Variants in HUNK observed in about 807,000 individuals in gnomAD.
The protein encoded by HUNK is hormonally up-regulated Neu-associated kinase, also known as hormonally up-regulated neu tumor-associated kinase.
Under a neutral mutation model 61.0 loss-of-function variants are expected in HUNK, and 21 were observed. The observed-to-expected ratio is 0.34, with a 90% confidence interval of 0.24 to 0.50. The LOEUF is 0.50. Among genes scored for constraint, HUNK ranks in the 20% least tolerant of loss-of-function variants. The probability of loss-of-function intolerance (pLI) is 0.98; values close to 1 mark genes in which losing one functional copy is unlikely to be tolerated. For synonymous variants in HUNK, 371 were observed against 386.1 expected (o/e 0.96, Z 0.46); for missense variants, 772 against 945.7 (o/e 0.82, Z 2.41).
At chr21:31,980,304 C>T (rs2186268) in intron 7 of HUNK, among the ~76,000 whole-genome samples, 41,655 of 151,240 alleles carry the variant, frequency 0.28, 5,897 homozygotes, top group African/African-American at 0.32. Context: ...ACTCCTGACC[C>T]TGTGGTCTGC....
At chr21:31,917,053 TG>T (rs2052588128) in intron 1 of HUNK, among the ~76,000 whole-genome samples, 2 of 152,076 alleles carry the variant, frequency 1.3e-5, no homozygotes, top group Non-Finnish European at 2.9e-5. Context: ...TTTTTGGCCT[TG>T]GGGGATTTCC....
chr21:31,964,375 C>A (rs891655199), intron 5 of HUNK, among the ~76,000 whole-genome samples: 1 of 152,206 alleles, frequency 6.6e-6, no homozygotes, highest in African/African-American at 2.4e-5. Context: ...TGATGACAGA[C>A]CTGCAGCCCT....
At chr21:31,875,038 G>T (rs1434134618) in intron 1 of HUNK, among the ~76,000 whole-genome samples, 1 of 152,180 alleles carries the variant, frequency 6.6e-6, no homozygotes, top group African/African-American at 2.4e-5. Flanking sequence ...CCCAGGCTGG[G>T]GGTGGCTCAA....
intron 1 of HUNK, among the ~76,000 whole-genome samples, chr21:31,908,706 C>A (rs1257113747): frequency 6.6e-6 from 1 of 152,050 alleles, no homozygotes. Flanking sequence ...TTTTTGGATC[C>A]CGTGGATCTG....
intron 8 of HUNK, among the ~76,000 whole-genome samples, chr21:31,987,041 G>A (rs1340455363): frequency 6.6e-6 from 1 of 152,192 alleles, no homozygotes; most frequent in African/African-American, 2.4e-5. Flanking sequence ...TGCCTGGCAT[G>A]TAGGTGCTCA....
At chr21:31,982,302 C>T (rs925245923) in intron 7 of HUNK, among the ~76,000 whole-genome samples, 24 of 152,202 alleles carry the variant, frequency 1.6e-4, no homozygotes, top group African/African-American at 5.1e-4. Context: ...AGAATCCATA[C>T]TCTAGGCGAG....
rs1372196958 is a variant in HUNK, at chr21:31,873,610, G to A, written c.-65G>A. 1.0e-6 allele frequency: 1 copy of A among 987,654 alleles called. No homozygotes were observed. Among genetic ancestry groups the A allele is most frequent in the Non-Finnish European group, 1.2e-6 (1 of 830,948 alleles). The allele number at this position is 987,654 out of a possible 1,614,324, so 61.2% of individuals were successfully genotyped here. A position where few individuals can be genotyped will look rare whatever the true frequency, so the allele number is the denominator to read the frequency against. On this transcript the variant is annotated 5_prime_UTR_variant, in exon 1 of 11. Coordinates refer to ENST00000270112, the MANE Select transcript of HUNK (RefSeq NM_014586.2). This position sits in a 1 kb window ranked among gnomAD's most constrained non-coding sequence, Gnocchi z 6.1. The stretch of plus-strand genomic sequence containing the variant: ...CGGGAGAAGCCGGGGAAGCCGAAGA[G>A]CCTGGGGAGGAGGAGCTGCGAGCGC...
At chr21:31,920,393 T>A (rs912194678) in intron 1 of HUNK, among the ~76,000 whole-genome samples, 4 of 152,228 alleles carry the variant, frequency 2.6e-5, no homozygotes, top group Non-Finnish European at 4.4e-5. Flanking sequence ...TAACTATAAT[T>A]GTGTACTCTG....
At chr21:31,959,607 T>C (rs1475138562) in intron 5 of HUNK, among the ~76,000 whole-genome samples, 2 of 152,246 alleles carry the variant, frequency 1.3e-5, no homozygotes. Context: ...TTCTTTTGTT[T>C]GGTTCACAAT....
At chr21:31,955,987 A>G (rs182797935) in intron 4 of HUNK, among the ~76,000 whole-genome samples, 25 of 152,344 alleles carry the variant, frequency 1.6e-4, no homozygotes, top group African/African-American at 3.4e-4. Flanking sequence ...GGTCTTTGCT[A>G]TGTAGCATGG....
intron 7 of HUNK, among the ~76,000 whole-genome samples, chr21:31,978,573 G>A (rs1484745422): frequency 6.6e-6 from 1 of 152,022 alleles, no homozygotes; most frequent in Non-Finnish European, 1.5e-5. Context: ...AAGTGAGATT[G>A]TACACTATTT....
chr21:31,990,206 C>G, intron 9 of HUNK, 30 bp downstream of exon 9: 1 of 1,581,254 alleles, frequency 6.3e-7, no homozygotes, highest in Non-Finnish European at 8.7e-7. Flanking sequence ...TTATGTTAGT[C>G]AGGGTTCTCC....
At chr21:31,905,831 G>C (rs998764563) in intron 1 of HUNK, among the ~76,000 whole-genome samples, 4 of 152,214 alleles carry the variant, frequency 2.6e-5, no homozygotes, top group African/African-American at 9.6e-5. Flanking sequence ...TGATTTAGTG[G>C]GGGAGGAAGG....
At chr21:31,956,557 GC>G (rs1161073736) in intron 4 of HUNK, among the ~76,000 whole-genome samples, 1 of 152,074 alleles carries the variant, frequency 6.6e-6, no homozygotes, top group Non-Finnish European at 1.5e-5. Flanking sequence ...TATATCACTA[GC>G]CCTGATACTC....
intron 1 of HUNK, among the ~76,000 whole-genome samples, chr21:31,897,113 G>A (rs1244485381): frequency 4.6e-5 from 7 of 152,156 alleles, no homozygotes; most frequent in East Asian, 3.8e-4. Flanking sequence ...AAGTGGTGGC[G>A]AAGGCCTGTA....
chr21:31,895,219 A>G (rs576717400), intron 1 of HUNK, among the ~76,000 whole-genome samples: 2 of 152,306 alleles, frequency 1.3e-5, no homozygotes, highest in African/African-American at 4.8e-5. Context: ...TCTTGGGGGA[A>G]TGCCCTTCAC....
intron 1 of HUNK, among the ~76,000 whole-genome samples, chr21:31,895,004 G>A (rs1280833004): frequency 6.6e-6 from 1 of 152,208 alleles, no homozygotes; most frequent in Non-Finnish European, 1.5e-5. Context: ...GACTGATTAA[G>A]TGTCCCAGGA....
At chr21:31,895,958 T>C (rs1403840955) in intron 1 of HUNK, among the ~76,000 whole-genome samples, 2 of 152,194 alleles carry the variant, frequency 1.3e-5, no homozygotes, top group Admixed American at 6.5e-5. Context: ...AAGAGGTAAC[T>C]AAGGCGAAAT....
intron 7 of HUNK, among the ~76,000 whole-genome samples, chr21:31,980,462 C>T (rs1227122664): frequency 2.6e-5 from 4 of 151,752 alleles, no homozygotes; most frequent in Non-Finnish European, 5.9e-5. Context: ...CTGCAACCTC[C>T]GCCTCCCAGC....
Sources: allele counts gnomAD v4.1 joint callset (sites outside exome capture counted in the v4.1 genomes callset), GRCh38; gene constraint gnomAD v4.1.1; non-coding constraint Gnocchi (gnomAD v3.1); transcripts MANE v1.5; gene names NCBI Gene and HGNC (gene_info 2026-07-23, HGNC 2026-07-21).